The following DPP10 variants were observed in gnomAD, a reference collection of about 807,000 sequenced individuals.
DPP10 encodes dipeptidyl peptidase like 10.
A neutral mutation model predicts 120.9 loss-of-function variants in DPP10; 33 were observed. That is an observed-to-expected ratio of 0.27 (90% confidence interval 0.21 to 0.37). The LOEUF (loss-of-function observed/expected upper bound fraction) is 0.37. DPP10 is among the 10% of genes least tolerant of loss of function. The pLI, the probability that DPP10 is intolerant of heterozygous loss-of-function variation, is 1.00. For missense variants in DPP10, 816 were observed against 942.8 expected, an observed-to-expected ratio of 0.87 and a Z score of 1.76; for synonymous variants, 337 against 326.1, an observed-to-expected ratio of 1.03 and a Z score of -0.36.
chr2:115,016,182 G>T lies in DPP10; in HGVS notation c.61-293057G>T, dbSNP rs545713560. Among the ~76,000 whole-genome samples, 13 of 152,182 alleles carry T rather than the reference G, an allele frequency of 8.5e-5. No homozygotes were observed. The South Asian group carries it at 2.7e-3, about 32-fold the overall frequency. Reference sequence around the variant, plus strand: ...GACCAATGGAACAGAACAGAACAGAGGCCTCAGAAATAATGCCACATATCT... The same window carrying T: ...GACCAATGGAACAGAACAGAACAGATGCCTCAGAAATAATGCCACATATCT... On this transcript the variant is annotated intron_variant, in intron 1 of 25. Coordinates refer to ENST00000410059, the MANE Select transcript of DPP10 (RefSeq NM_020868.6).
intron 1 of DPP10, among the ~76,000 whole-genome samples, chr2:115,249,562 T>G (rs1422491122): frequency 6.6e-6 from 1 of 152,188 alleles, no homozygotes; most frequent in African/African-American, 2.4e-5. Flanking sequence ...GTGGGTTTTA[T>G]CTGAAATAAT....
chr2:115,082,278 G>T (rs1412584254), intron 1 of DPP10, among the ~76,000 whole-genome samples: 1 of 152,084 alleles, frequency 6.6e-6, no homozygotes, highest in South Asian at 2.1e-4. Context: ...CCAAGGGGAG[G>T]TTTCTCACTC....
chr2:115,513,281 T>C (rs915619235), intron 4 of DPP10, among the ~76,000 whole-genome samples: 2 of 151,948 alleles, frequency 1.3e-5, no homozygotes, highest in Admixed American at 1.3e-4. Context: ...CAATTTAGAA[T>C]ATATCCTTTG....
chr2:115,141,750 A>G (rs2050937963), intron 1 of DPP10, among the ~76,000 whole-genome samples: 1 of 152,144 alleles, frequency 6.6e-6, no homozygotes, highest in Non-Finnish European at 1.5e-5. Context: ...TGGTGCTTAC[A>G]ATAGGAAAGG....
At chr2:114,688,981 A>G (rs952209569) in intron 1 of DPP10, among the ~76,000 whole-genome samples, 1 of 151,688 alleles carries the variant, frequency 6.6e-6, no homozygotes, top group South Asian at 2.1e-4. Flanking sequence ...CCGAGATGTC[A>G]TTAACATTCC....
At chr2:114,831,726 A>C (rs1324930041) in intron 1 of DPP10, among the ~76,000 whole-genome samples, 1 of 152,098 alleles carries the variant, frequency 6.6e-6, no homozygotes, top group Admixed American at 6.5e-5. Context: ...ATTAAGTTGC[A>C]GAGTACAATT....
chr2:115,496,154 T>C (rs1265649643), intron 3 of DPP10, among the ~76,000 whole-genome samples: 3 of 151,918 alleles, frequency 2.0e-5, no homozygotes, highest in African/African-American at 7.2e-5. Context: ...GTAGGATAAA[T>C]ATGAAATCCA....
At chr2:115,767,280 C>T (rs369467236) in intron 12 of DPP10, among the ~76,000 whole-genome samples, 78 of 152,010 alleles carry the variant, frequency 5.1e-4, no homozygotes, top group African/African-American at 1.7e-3. Context: ...CAGTAGAGGG[C>T]CAAGTCATCT....
intron 5 of DPP10, among the ~76,000 whole-genome samples, chr2:115,672,621 CTTCT>C (rs10648127): frequency 1.1e-4 from 16 of 145,560 alleles, no homozygotes; most frequent in African/African-American, 3.1e-4. Flanking sequence ...CATGGCGCCC[CTTCT>C]TTCTTTCTTT....
At chr2:115,021,182 C>A in intron 1 of DPP10, among the ~76,000 whole-genome samples, 1 of 151,556 alleles carries the variant, frequency 6.6e-6, no homozygotes, top group Non-Finnish European at 1.5e-5. Flanking sequence ...AGCAGAGCTA[C>A]GAAATTGAAA....
At chr2:114,808,076 G>C (rs550554701) in intron 1 of DPP10, among the ~76,000 whole-genome samples, 93 of 152,294 alleles carry the variant, frequency 6.1e-4, no homozygotes, top group Admixed American at 1.6e-3. Context: ...GCGCTGGACA[G>C]AAACACATAC....
chr2:115,344,000 A>G (rs1013226690), intron 3 of DPP10, 88 bp downstream of exon 3: 12 of 1,074,662 alleles, frequency 1.1e-5, no homozygotes, highest in African/African-American at 9.7e-5. Flanking sequence ...GCTGGGCGCA[A>G]TGGCTTATGC....
At chr2:115,006,110 G>A (rs931582532) in intron 1 of DPP10, among the ~76,000 whole-genome samples, 10 of 151,850 alleles carry the variant, frequency 6.6e-5, no homozygotes, top group Non-Finnish European at 1.0e-4. Flanking sequence ...TCATATCCAG[G>A]CAAACTAAGT....
intron 3 of DPP10, among the ~76,000 whole-genome samples, chr2:115,414,301 C>A (rs111805837): frequency 6.6e-6 from 1 of 152,052 alleles, no homozygotes. Flanking sequence ...AAAATGTCTG[C>A]GACAGAGCCG....
intron 3 of DPP10, among the ~76,000 whole-genome samples, chr2:115,350,038 G>A (rs569066355): frequency 2.6e-5 from 4 of 152,158 alleles, no homozygotes; most frequent in African/African-American, 9.6e-5. Context: ...GGCTCTTGAA[G>A]ATAACACGTA....
chr2:115,101,553 C>T (rs531860298), intron 1 of DPP10, among the ~76,000 whole-genome samples: 1 of 152,300 alleles, frequency 6.6e-6, no homozygotes, highest in South Asian at 2.1e-4. Context: ...TCCTACACCC[C>T]CTACGAAGCA....
chr2:114,856,992 C>G (rs557287205), intron 1 of DPP10, among the ~76,000 whole-genome samples: 1 of 152,016 alleles, frequency 6.6e-6, no homozygotes, highest in East Asian at 1.9e-4. Flanking sequence ...CATATTATTA[C>G]TCCCTTTTGT....
intron 1 of DPP10, among the ~76,000 whole-genome samples, chr2:115,079,240 C>T (rs977553757): frequency 6.6e-6 from 1 of 152,034 alleles, no homozygotes; most frequent in Non-Finnish European, 1.5e-5. Context: ...ATTAGCCGGA[C>T]GTGGTGGCGG....
chr2:115,465,017 T>C (rs2105107484), intron 3 of DPP10, among the ~76,000 whole-genome samples: 1 of 152,312 alleles, frequency 6.6e-6, no homozygotes, highest in South Asian at 2.1e-4. Context: ...ACTAACACAG[T>C]CTGCCTGGGA....
Sources: allele counts gnomAD v4.1 joint callset (sites outside exome capture counted in the v4.1 genomes callset), GRCh38; gene constraint gnomAD v4.1.1; transcripts MANE v1.5; gene names NCBI Gene and HGNC (gene_info 2026-07-23, HGNC 2026-07-21).